VIPR2: variants seen among roughly 807,000 people sequenced by gnomAD.
VIPR2 encodes vasoactive intestinal peptide receptor 2.
VIPR2 carries 48 observed loss-of-function variants against 58.0 expected under a neutral mutation model. The ratio of observed to expected loss-of-function variants is 0.83; its 90% CI spans 0.66 to 1.05. The LOEUF is 1.05. VIPR2 is among the 50% of genes least tolerant of loss of function. The pLI is 0.00. For missense variants in VIPR2, 534 were observed against 558.0 expected, an observed-to-expected ratio of 0.96 and a Z score of 0.43; for synonymous variants, 243 against 235.2, an observed-to-expected ratio of 1.03 and a Z score of -0.30.
At chr7:159,057,584 A>G (rs1855395655) in intron 5 of VIPR2, among the ~76,000 whole-genome samples, 1 of 152,208 alleles carries the variant, frequency 6.6e-6, no homozygotes, top group Non-Finnish European at 1.5e-5. Flanking sequence ...TTTTTATCTG[A>G]CATACTGGCA....
At chr7:159,124,123 T>G (rs757138331) in intron 2 of VIPR2, among the ~76,000 whole-genome samples, 17 of 152,252 alleles carry the variant, frequency 1.1e-4, no homozygotes, top group Non-Finnish European at 2.2e-4. Context: ...GATAGTTTCT[T>G]TTGCTGTGCA....
At chr7:159,033,594 G>A (rs1002434747) in intron 10 of VIPR2, among the ~76,000 whole-genome samples, 1 of 152,152 alleles carries the variant, frequency 6.6e-6, no homozygotes, top group Non-Finnish European at 1.5e-5. Flanking sequence ...CTGGCTGAAC[G>A]TCTGCCCTGT....
At chr7:159,079,889 C>T (rs1326973240) in intron 4 of VIPR2, among the ~76,000 whole-genome samples, 1 of 152,214 alleles carries the variant, frequency 6.6e-6, no homozygotes, top group African/African-American at 2.4e-5. Context: ...AATTCCTCAA[C>T]ACATACACTC....
At chr7:159,105,925 G>A (rs1585510566) in intron 3 of VIPR2, among the ~76,000 whole-genome samples, 2 of 152,228 alleles carry the variant, frequency 1.3e-5, no homozygotes, top group Non-Finnish European at 2.9e-5. Flanking sequence ...CCTCAGGAAT[G>A]CCGGGCTCTG....
In VIPR2 at chr7:159,036,889, AGCTT is replaced by A; in HGVS notation, c.607_610del (p.Lys203Ter). 6.2e-7 allele frequency: 1 copy of A among 1,612,200 alleles called. No individual in the cohort carries two copies. The highest frequency in any genetic ancestry group is 8.5e-7 in the Non-Finnish European group (1 of 1,178,568). ...GCAGTACTGCAGGAAGACCAGGCTCAGCTTGCAGCCCACCTGGAAACCGCAAACA... is the reference window on the plus strand; with the variant it reads ...GCAGTACTGCAGGAAGACCAGGCTCAGCAGCCCACCTGGAAACCGCAAACA... On this transcript the variant is annotated frameshift_variant, in exon 7 of 13. Coordinates refer to ENST00000262178, the MANE Select transcript of VIPR2 (RefSeq NM_003382.5). LOFTEE classifies it high-confidence loss of function.
chr7:159,136,274 A>G (rs1295435738), intron 2 of VIPR2, among the ~76,000 whole-genome samples: 1 of 151,854 alleles, frequency 6.6e-6, no homozygotes, highest in Admixed American at 6.6e-5. Context: ...TCTTCTTCTT[A>G]TAAAACCTAT....
chr7:159,037,432 C>T (rs558280408), intron 6 of VIPR2, among the ~76,000 whole-genome samples: 4 of 152,350 alleles, frequency 2.6e-5, no homozygotes, highest in African/African-American at 7.2e-5. Flanking sequence ...AGGTAGAGGG[C>T]GCGGCACATG....
At chr7:159,123,496 T>A (rs1395034214) in intron 2 of VIPR2, among the ~76,000 whole-genome samples, 2 of 152,158 alleles carry the variant, frequency 1.3e-5, no homozygotes, top group Non-Finnish European at 2.9e-5. Flanking sequence ...GGTTCTTTTT[T>A]ATGGCTGCAT....
At chr7:159,088,426 G>A (rs1362952166) in intron 4 of VIPR2, among the ~76,000 whole-genome samples, 14 of 152,010 alleles carry the variant, frequency 9.2e-5, no homozygotes. Context: ...CACACATGCT[G>A]CAGCACACCT....
In VIPR2 at chr7:159,030,221, T is replaced by TGTA. The variant is rs978663678; in HGVS notation, c.*392_*394dup. 4 of 188,262 alleles carry TGTA rather than the reference T, an allele frequency of 2.1e-5. No individual in the cohort carries two copies. The highest frequency in any genetic ancestry group is 9.5e-5 in the African/African-American group (4 of 41,992). 11.7% of individuals were successfully genotyped at this position (188,262 alleles called of 1,614,324 possible). ...TTAGCCAGGCGTGTTGGCGGGCGCC[T>TGTA]GTAGTCCCAGCTATGGGAGGCTGAG... On this transcript the variant is annotated 3_prime_UTR_variant, in exon 13 of 13. Coordinates refer to ENST00000262178, the MANE Select transcript of VIPR2 (RefSeq NM_003382.5).
chr7:159,029,340 G>T lies in VIPR2; in HGVS notation c.*1276C>A, dbSNP rs551118418. 2.9e-4 allele frequency: 44 copies of T among 152,368 alleles called. No individual in the cohort carries two copies. Among genetic ancestry groups the T allele is most frequent in the African/African-American group, 9.6e-4 (40 of 41,562 alleles). 9.4% of individuals were successfully genotyped at this position (152,368 alleles called of 1,614,324 possible). A position where few individuals can be genotyped will look rare whatever the true frequency, so the allele number is the denominator to read the frequency against. ...GGCTTGGCACACACATGGAGACTGT[G>T]CCCTGATATCCCCACCCTTCTGCAG... On this transcript the variant is annotated 3_prime_UTR_variant, in exon 13 of 13. Transcript: ENST00000262178.
At chr7:159,061,288 C>T (rs949125396) in intron 4 of VIPR2, among the ~76,000 whole-genome samples, 1 of 148,924 alleles carries the variant, frequency 6.7e-6, no homozygotes, top group African/African-American at 2.5e-5. Flanking sequence ...AACTTATCAT[C>T]ATGAAATATA....
At position 159,127,070 on chromosome 7, in the gene VIPR2, C is replaced by T. The variant is rs970980345; in HGVS notation, c.151+15376G>A. Among the ~76,000 whole-genome samples the T allele has an allele frequency of 3.9e-5, 6 of 152,196 alleles. No individual in the cohort carries two copies. The highest frequency in any genetic ancestry group is 2.4e-5 in the African/African-American group (1 of 41,442). ...GAGGAGACAATGCCCCACAGCAGAGCGCGGTCTCCAAACGTGTTTAGAATG... is the reference window on the plus strand; with the variant it reads ...GAGGAGACAATGCCCCACAGCAGAGTGCGGTCTCCAAACGTGTTTAGAATG... On this transcript the variant is annotated intron_variant, in intron 2 of 12. Transcript: ENST00000262178. The surrounding 1 kb of genome is among the most constrained non-coding windows in gnomAD (Gnocchi z 4.6).
At chr7:159,068,829 T>G (rs73730135) in intron 4 of VIPR2, among the ~76,000 whole-genome samples, 1 of 152,202 alleles carries the variant, frequency 6.6e-6, no homozygotes, top group Non-Finnish European at 1.5e-5. Context: ...GTGGAATGGC[T>G]GCTCTTCACC....
chr7:159,128,015 C>T lies in VIPR2; in HGVS notation c.151+14431G>A, dbSNP rs1796718249. 1.3e-5 allele frequency among the ~76,000 whole-genome samples: 2 copies of T among 152,130 alleles called. No homozygotes were observed. The highest frequency in any genetic ancestry group is 2.9e-5 in the Non-Finnish European group (2 of 68,020). The stretch of plus-strand genomic sequence containing the variant: ...ATCCCAGAACATACATCCACAGCGC[C>T]AGGACAAACCACCGCTCCCCCCACC... On this transcript the variant is annotated intron_variant, in intron 2 of 12. Coordinates refer to ENST00000262178, the MANE Select transcript of VIPR2 (RefSeq NM_003382.5). This position sits in a 1 kb window ranked among gnomAD's most constrained non-coding sequence, Gnocchi z 4.1.
chr7:159,031,476 C>T lies in VIPR2; in HGVS notation c.1143+352G>A, dbSNP rs1161530226. ...GCAGCCCCACCCCCCAACCCAGGCC[C>T]GGCTTTCTGGGACTCACAAGCTATG... On this transcript the variant is annotated intron_variant, in intron 12 of 12. Coordinates refer to ENST00000262178, the MANE Select transcript of VIPR2 (RefSeq NM_003382.5). The surrounding 1 kb of genome is among the most constrained non-coding windows in gnomAD (Gnocchi z 4.0). 7 of 985,376 alleles carry T rather than the reference C, an allele frequency of 7.1e-6. No homozygotes were observed. In the South Asian group the frequency reaches 1.4e-4, roughly 20 times the overall value. The allele number at this position is 985,376 out of a possible 1,614,324, so 61.0% of individuals were successfully genotyped here. A position where few individuals can be genotyped will look rare whatever the true frequency, so the allele number is the denominator to read the frequency against.
chr7:159,103,988 C>A lies in VIPR2; in HGVS notation c.260-134G>T, dbSNP rs533031727. The A allele has an allele frequency of 3.0e-5, 22 of 743,028 alleles. No individual in the cohort carries two copies. In the South Asian group the frequency reaches 3.3e-4, roughly 11 times the overall value. The allele number at this position is 743,028 out of a possible 1,614,324, so 46.0% of individuals were successfully genotyped here. On this transcript the variant is annotated intron_variant, in intron 3 of 12. Coordinates refer to ENST00000262178, the MANE Select transcript of VIPR2 (RefSeq NM_003382.5). ...AGGGGTCAGCTAGGAGACAGGACTG[C>A]CACTCAAAAAACCTTCCTTGCCCTC...
At chr7:159,066,288 T>C (rs564586284) in intron 4 of VIPR2, among the ~76,000 whole-genome samples, 1 of 151,210 alleles carries the variant, frequency 6.6e-6, no homozygotes, top group East Asian at 2.0e-4. Flanking sequence ...GATTCCAGGA[T>C]GCCTGCTCCC....
At chr7:159,032,353 G>A (rs1853648200) in intron 10 of VIPR2, among the ~76,000 whole-genome samples, 2 of 152,244 alleles carry the variant, frequency 1.3e-5, no homozygotes, top group Admixed American at 1.3e-4. Flanking sequence ...GTTCATGGCT[G>A]GCAGGGGCAA....
Sources: allele counts gnomAD v4.1 joint callset (sites outside exome capture counted in the v4.1 genomes callset), GRCh38; gene constraint gnomAD v4.1.1; non-coding constraint Gnocchi (gnomAD v3.1); transcripts MANE v1.5; gene names NCBI Gene and HGNC (gene_info 2026-07-23, HGNC 2026-07-21).